The following ANGPTL6 variants were observed in gnomAD, a reference collection of about 807,000 sequenced individuals.
ANGPTL6 encodes angiopoietin like 6, also known as angiopoietin-related protein 6.
In ANGPTL6, 45 loss-of-function variants were observed where a neutral mutation model predicts 47.4. The ratio of observed to expected loss-of-function variants is 0.95; its 90% CI spans 0.75 to 1.22. ANGPTL6 has a LOEUF of 1.22. Among genes scored for constraint, ANGPTL6 ranks in the 50% most tolerant of loss-of-function variants. The pLI is 0.00. For synonymous variants in ANGPTL6, 290 were observed against 295.9 expected, an observed-to-expected ratio of 0.98 and a Z score of 0.20; for missense variants, 698 against 669.4, an observed-to-expected ratio of 1.04 and a Z score of -0.47.
At chr19:10,102,235 G>A (rs576607554) in intron 1 of ANGPTL6, among the ~76,000 whole-genome samples, 4 of 151,588 alleles carry the variant, frequency 2.6e-5, no homozygotes, top group African/African-American at 9.6e-5. Flanking sequence ...CTGTGGGCCC[G>A]GAGGAGGACT....
intron 1 of ANGPTL6, 161 bp downstream of exon 1, chr19:10,102,407 G>T (rs1393555840): frequency 3.3e-6 from 1 of 303,466 alleles, no homozygotes; most frequent in Non-Finnish European, 4.8e-6. Flanking sequence ...CCACAACAGA[G>T]ATTGAGCAAC....
upstream of ANGPTL6, chr19:10,102,737 G>A: frequency 1.0e-6 from 1 of 984,644 alleles, no homozygotes; most frequent in Non-Finnish European, 1.2e-6. Flanking sequence ...GCCTGGGAGT[G>A]GAGCTGGGAT....
rs186478093 is a variant in ANGPTL6 at position 10,098,742 on chromosome 19, T to G, written c.-10-2169A>C. On this transcript the variant is annotated intron_variant, in intron 1 of 5. Transcript: ENST00000253109. The stretch of plus-strand genomic sequence containing the variant: ...GGGAGGCTGAGGCAGGAGAATCACT[T>G]GAACCTGGGAGGTGGAGGTTGCAGT... Among the ~76,000 whole-genome samples the G allele has an allele frequency of 2.9e-3, 435 of 151,642 alleles. 1 individual carries two copies. The highest frequency in any genetic ancestry group is 4.0e-3 in the Non-Finnish European group (271 of 67,876).
At position 10,092,845 on chromosome 19, in the gene ANGPTL6, G is replaced by A; in HGVS notation, c.1223-66C>T. The stretch of plus-strand genomic sequence containing the variant: ...AAAGCCTCTACCTGCACCTCACAGT[G>A]CAAGGCTTTTGCCAGGCATCCCCTG... On this transcript the variant is annotated intron_variant, in intron 5 of 5. Coordinates refer to ENST00000253109, the MANE Select transcript of ANGPTL6 (RefSeq NM_031917.3). The A allele has an allele frequency of 2.2e-6, 3 of 1,373,306 alleles. No individual in the cohort carries two copies. In the South Asian group the frequency reaches 4.8e-5, roughly 22 times the overall value. 85.1% of individuals were successfully genotyped at this position (1,373,306 alleles called of 1,614,324 possible).
At position 10,094,815 on chromosome 19, in the gene ANGPTL6, C is replaced by G; in HGVS notation, c.706G>C (p.Glu236Gln). The change falls in exon 3 of 6, where the codon GAG (glutamate) becomes CAG (glutamine). Residue 236 changes from glutamate (E) to glutamine (Q), a missense_variant. Glu to Gln is a conservative substitution (Grantham distance 29). Transcript: ENST00000253109. ...PQRDQTQRQQ[E>Q]PMASPMPAGH... ...GCAGGCATGGGAGAAGCCATGGGCT[C>G]CTGCTGTCTCTGGGTCTGGTCTCTC... 6.2e-7 allele frequency: 1 copy of G among 1,614,212 alleles called. No individual in the cohort carries two copies. Among genetic ancestry groups the G allele is most frequent in the Non-Finnish European group, 8.5e-7 (1 of 1,180,036 alleles).
At chr19:10,104,221 T>C (rs895283796), upstream of ANGPTL6, among the ~76,000 whole-genome samples, 3 of 151,978 alleles carry the variant, frequency 2.0e-5, no homozygotes, top group Non-Finnish European at 4.4e-5. Context: ...ACCAGAGACC[T>C]TGGATTTGAT....
At position 10,092,634 on chromosome 19, in the gene ANGPTL6, A is replaced by C; in HGVS notation, c.1368T>G (p.Tyr456Ter). The C allele has an allele frequency of 3.7e-6, 6 of 1,613,478 alleles. No homozygotes were observed. The highest frequency in any genetic ancestry group is 5.1e-6 in the Non-Finnish European group (6 of 1,179,508). Reference sequence around the variant, plus strand: ...TGAGCATGGCGGCCTTCCTGAGAGAATATGCCCCACCACGAAACTCAGCCC... The same window carrying C: ...TGAGCATGGCGGCCTTCCTGAGAGACTATGCCCCACCACGAAACTCAGCCC... Reference protein sequence around the residue: ...VYWAEFRGGAYSLRKAAMLIR... With the variant: ...VYWAEFRGGA The change falls in exon 6 of 6, where the codon TAT becomes TAG. Residue 456 changes from tyrosine (Y) to a stop codon, truncating the protein, a stop_gained. Coordinates refer to ENST00000253109, the MANE Select transcript of ANGPTL6 (RefSeq NM_031917.3). LOFTEE classifies it high-confidence loss of function.
intron 1 of ANGPTL6, among the ~76,000 whole-genome samples, chr19:10,096,885 G>C (rs1006517349): frequency 6.7e-6 from 1 of 150,240 alleles, no homozygotes; most frequent in African/African-American, 2.5e-5. Context: ...CTTGAGACCA[G>C]GAGTTCGAGA....
At chr19:10,100,654 G>A (rs1208451593) in intron 1 of ANGPTL6, among the ~76,000 whole-genome samples, 2 of 152,180 alleles carry the variant, frequency 1.3e-5, no homozygotes, top group African/African-American at 4.8e-5. Flanking sequence ...TGTGTGCCAG[G>A]GATGCTGTTT....
rs1158725765 is a variant in ANGPTL6 at position 10,094,800 on chromosome 19, G to C, written c.721C>G (p.Pro241Ala). 8.1e-6 allele frequency: 13 copies of C among 1,614,094 alleles called. No individual in the cohort carries two copies. Among genetic ancestry groups the C allele is most frequent in the Non-Finnish European group, 1.1e-5 (13 of 1,180,040 alleles). The change falls in exon 3 of 6, where the codon CCC (proline) becomes GCC (alanine). Residue 241 changes from proline (P) to alanine (A), a missense_variant. Physicochemically the swap from Pro to Ala is conservative, Grantham distance 27. Coordinates refer to ENST00000253109, the MANE Select transcript of ANGPTL6 (RefSeq NM_031917.3). ...TQRQQEPMASPMPAGHPAVPT... is the reference protein window; with the variant it reads ...TQRQQEPMASAMPAGHPAVPT... ...ACCGCAGGGTGACCTGCAGGCATGG[G>C]AGAAGCCATGGGCTCCTGCTGTCTC...
chr19:10,094,669 T>A, intron 3 of ANGPTL6, 89 bp downstream of exon 3: 2 of 1,476,280 alleles, frequency 1.4e-6, no homozygotes, highest in South Asian at 2.3e-5. Flanking sequence ...TTTCTTCTGG[T>A]CTTCTCACAA....
chr19:10,100,898 T>A (rs2088661201), intron 1 of ANGPTL6, among the ~76,000 whole-genome samples: 1 of 151,652 alleles, frequency 6.6e-6, no homozygotes, highest in African/African-American at 2.4e-5. Context: ...ATCCCAGCAC[T>A]TTGGGAGGCC....
chr19:10,093,106 C>A (rs1404779638), intron 5 of ANGPTL6: 1 of 560,000 alleles, frequency 1.8e-6, no homozygotes, highest in Non-Finnish European at 3.1e-6. Context: ...TAGCTCTCAC[C>A]CTCTGCCCTT....
chr19:10,095,580 T>C (rs1331323784), intron 2 of ANGPTL6, among the ~76,000 whole-genome samples: 1 of 152,104 alleles, frequency 6.6e-6, no homozygotes, highest in Non-Finnish European at 1.5e-5. Context: ...CCCTGTAACG[T>C]AGGGACTGTC....
At chr19:10,093,240 C>T in intron 5 of ANGPTL6, 109 bp downstream of exon 5, 1 of 1,399,940 alleles carries the variant, frequency 7.1e-7, no homozygotes, top group Non-Finnish European at 9.7e-7. Context: ...CTTGCTTATC[C>T]TTATACTTAC....
At chr19:10,093,131 T>G in intron 5 of ANGPTL6, 2 of 589,318 alleles carry the variant, frequency 3.4e-6, no homozygotes, top group Non-Finnish European at 5.8e-6. Flanking sequence ...TGAACAGGAG[T>G]CTTGATTCTT....
chr19:10,096,294 G>A lies in ANGPTL6; in HGVS notation c.270C>T (p.Ala90=), dbSNP rs960717675. 2.6e-5 allele frequency: 32 copies of A among 1,227,464 alleles called. No individual in the cohort carries two copies. Among genetic ancestry groups the A allele is most frequent in the African/African-American group, 1.3e-4 (8 of 63,210 alleles). 76.0% of individuals were successfully genotyped at this position (1,227,464 alleles called of 1,614,324 possible). Residue 90 remains alanine (A), a synonymous_variant, in exon 2 of 6, where the codon GCC becomes GCT. Transcript: ENST00000253109. ...QRLAAADGAV[A]GEVRALRKES... ...CCTTGCGCAGCGCGCGCACCTCGCC[G>A]GCCACGGCGCCGTCGGCCGCCGCCA...
intron 1 of ANGPTL6, among the ~76,000 whole-genome samples, chr19:10,101,677 GCAT>G (rs2088683102): frequency 6.7e-6 from 1 of 149,854 alleles, no homozygotes; most frequent in Admixed American, 6.6e-5. Flanking sequence ...GCATGGTAAT[GCAT>G]GCCTGTAATC....
Position 10,096,016 on chromosome 19 carries a change from C to T in ANGPTL6, c.548G>A (p.Arg183His), listed in dbSNP as rs773292838. The T allele has an allele frequency of 2.2e-6, 3 of 1,365,046 alleles. No individual in the cohort carries two copies. Among genetic ancestry groups the T allele is most frequent in the Non-Finnish European group, 2.8e-6 (3 of 1,054,088 alleles). The allele number at this position is 1,365,046 out of a possible 1,614,324, so 84.6% of individuals were successfully genotyped here. Reference sequence around the variant, plus strand: ...CCCGCCCGCGCCTCCCGGGCACAGGCGCTCCAGGCGGGCGATGAGACTGCT... The same window carrying T: ...CCCGCCCGCGCCTCCCGGGCACAGGTGCTCCAGGCGGGCGATGAGACTGCT... ...QQSSLIARLE[R>H]LCPGGAGGQQ... The change falls in exon 2 of 6, where the codon CGC (arginine) becomes CAC (histidine). Residue 183 changes from arginine to histidine, a missense_variant. Physicochemically the swap from Arg to His is conservative, Grantham distance 29. Coordinates refer to ENST00000253109, the MANE Select transcript of ANGPTL6 (RefSeq NM_031917.3).
Sources: gnomAD v4.1 joint callset for allele counts (sites outside exome capture counted in the v4.1 genomes callset) on GRCh38, gnomAD v4.1.1 for gene constraint, MANE v1.5 for transcripts, NCBI Gene and HGNC (gene_info 2026-07-23, HGNC 2026-07-21) for gene names.